Variants in SAMD12 observed in about 807,000 individuals in gnomAD.
SAMD12 encodes the protein sterile alpha motif domain-containing protein 12.
In SAMD12, 9 loss-of-function variants were observed where a neutral mutation model predicts 15.0. The ratio of observed to expected loss-of-function variants is 0.60; its 90% CI spans 0.36 to 1.05. The LOEUF (loss-of-function observed/expected upper bound fraction) is 1.05, where lower values mean the gene tolerates loss of function less well. SAMD12 is among the 50% of genes least tolerant of loss of function. The pLI is 0.01. For missense variants in SAMD12, 230 were observed against 234.2 expected (o/e 0.98, Z 0.12); for synonymous variants, 86 against 90.1 (o/e 0.96, Z 0.25).
At chr8:118,474,101 G>A (rs1563882236) in intron 2 of SAMD12, among the ~76,000 whole-genome samples, 1 of 152,044 alleles carries the variant, frequency 6.6e-6, no homozygotes, top group Non-Finnish European at 1.5e-5. Flanking sequence ...TGGGATTATA[G>A]GCACGCACCA....
the SAMD12 span, among the ~76,000 whole-genome samples, chr8:118,163,176 G>A: frequency 2.1e-4 from 32 of 152,006 alleles, no homozygotes; most frequent in African/African-American, 7.5e-4. Flanking sequence ...GTGCAGGGAC[G>A]TCATCACAGC....
intron 4 of SAMD12, among the ~76,000 whole-genome samples, chr8:118,222,477 A>G (rs1812103545): frequency 6.6e-6 from 1 of 152,200 alleles, no homozygotes; most frequent in African/African-American, 2.4e-5. Flanking sequence ...ATAATAATCT[A>G]AAATTTAAAA....
At chr8:118,433,023 T>C (rs1822460296) in intron 3 of SAMD12, among the ~76,000 whole-genome samples, 1 of 152,146 alleles carries the variant, frequency 6.6e-6, no homozygotes. Context: ...AGTAGGGATG[T>C]TAGAAAGGGT....
Position 118,306,344 on chromosome 8 carries a change from G to A in SAMD12, c.433+73216C>T, listed in dbSNP as rs188287734. Among the ~76,000 whole-genome samples the A allele has an allele frequency of 1.2e-4, 19 of 152,202 alleles. No homozygotes were observed. In the East Asian group the frequency reaches 3.3e-3, roughly 26 times the overall value. On this transcript the variant is annotated intron_variant, in intron 4 of 4. Transcript: ENST00000409003. ...AATATGAATATTTAGCTGTGATTCT[G>A]CCTCTCAGCCTCTTTTGTAGTTTAG...
chr8:118,556,682 G>C (rs371424198), intron 2 of SAMD12, among the ~76,000 whole-genome samples: 5 of 152,018 alleles, frequency 3.3e-5, no homozygotes, highest in Non-Finnish European at 7.4e-5. Context: ...ATAGACATGG[G>C]GGCTGGGTGC....
chr8:118,379,515 T>C lies in SAMD12; in HGVS notation c.508A>G (p.Arg170Gly). The change falls in exon 4 of 4, where the codon AGA becomes GGA. Residue 170 changes from arginine to glycine, a missense_variant. Transcript: ENST00000314727. ...PDGWMDGEIR[R>G]KTTLLLGQTG... ...TGTCCTAATAGTAAGGTGGTCTTTCTTCTAATCTCCCCATCCATCCACCCA... is the reference window on the plus strand; with the variant it reads ...TGTCCTAATAGTAAGGTGGTCTTTCCTCTAATCTCCCCATCCATCCACCCA... The C allele has an allele frequency of 6.2e-7, 1 of 1,613,906 alleles. No homozygotes were observed.
At chr8:118,452,702 G>C (rs1351401428) in intron 2 of SAMD12, among the ~76,000 whole-genome samples, 1 of 152,042 alleles carries the variant, frequency 6.6e-6, no homozygotes, top group Non-Finnish European at 1.5e-5. Context: ...ATAAAAGAAA[G>C]TATGCACATG....
the SAMD12 span, among the ~76,000 whole-genome samples, chr8:118,164,258 T>C: frequency 6.6e-6 from 1 of 152,182 alleles, no homozygotes; most frequent in East Asian, 1.9e-4. Context: ...GTGAGAGAAA[T>C]GTGAGCTCTT....
chr8:118,396,723 GCATT>G (rs905185716), intron 3 of SAMD12, among the ~76,000 whole-genome samples: 3 of 152,220 alleles, frequency 2.0e-5, no homozygotes, highest in African/African-American at 7.2e-5. Flanking sequence ...GTTTAGTTCA[GCATT>G]CATTTAATAA....
chr8:118,392,769 C>T (rs1563823232), intron 3 of SAMD12, among the ~76,000 whole-genome samples: 1 of 152,040 alleles, frequency 6.6e-6, no homozygotes, highest in Non-Finnish European at 1.5e-5. Flanking sequence ...TTTGTGATAC[C>T]AGCTACCTTA....
chr8:118,368,658 T>G (rs1482423709), intron 4 of SAMD12, among the ~76,000 whole-genome samples: 1 of 152,200 alleles, frequency 6.6e-6, no homozygotes, highest in Non-Finnish European at 1.5e-5. Flanking sequence ...TTCTTGTGAA[T>G]CCATGAAAAT....
chr8:118,314,285 T>C (rs2130408224), intron 4 of SAMD12, among the ~76,000 whole-genome samples: 1 of 152,318 alleles, frequency 6.6e-6, no homozygotes, highest in African/African-American at 2.4e-5. Flanking sequence ...TTTCTTCTTT[T>C]TTTAACTTTT....
chr8:118,344,024 C>T (rs1160666584), intron 4 of SAMD12, among the ~76,000 whole-genome samples: 3 of 152,178 alleles, frequency 2.0e-5, no homozygotes, highest in Admixed American at 2.0e-4. Context: ...AAATTCCTTC[C>T]TGACTTCCAG....
At chr8:118,329,100 G>A (rs375851264) in intron 4 of SAMD12, among the ~76,000 whole-genome samples, 5 of 152,076 alleles carry the variant, frequency 3.3e-5, no homozygotes, top group Admixed American at 3.3e-4. Context: ...TAAAGATTAA[G>A]AGGAAGAAAT....
chr8:118,192,208 T>C (rs1006790526), exon 5 of SAMD12: 1 of 152,028 alleles, frequency 6.6e-6, no homozygotes, highest in Admixed American at 6.6e-5. Context: ...TTTGAATATA[T>C]TTTTACAGAA....
chr8:118,445,356 G>T (rs1169155715), intron 2 of SAMD12, among the ~76,000 whole-genome samples: 1 of 152,116 alleles, frequency 6.6e-6, no homozygotes, highest in Non-Finnish European at 1.5e-5. Context: ...GAAAGAGGTG[G>T]TTAGAAAATT....
intron 2 of SAMD12, among the ~76,000 whole-genome samples, chr8:118,470,860 A>G (rs759639030): frequency 3.9e-5 from 6 of 152,160 alleles, no homozygotes; most frequent in Non-Finnish European, 7.3e-5. Flanking sequence ...AATTAAAGAG[A>G]TCTGAATCCT....
At chr8:118,501,219 T>C (rs577081308) in intron 2 of SAMD12, among the ~76,000 whole-genome samples, 1 of 152,336 alleles carries the variant, frequency 6.6e-6, no homozygotes, top group South Asian at 2.1e-4. Flanking sequence ...TATCCCAATG[T>C]CTTGTTTTAT....
At chr8:118,341,624 T>C (rs1458211178) in intron 4 of SAMD12, among the ~76,000 whole-genome samples, 1 of 152,126 alleles carries the variant, frequency 6.6e-6, no homozygotes, top group Non-Finnish European at 1.5e-5. Context: ...TGCCAACCTC[T>C]CCTTGTGTCT....
Sources: gnomAD v4.1 joint callset for allele counts (sites outside exome capture counted in the v4.1 genomes callset) on GRCh38, gnomAD v4.1.1 for gene constraint, MANE v1.5 for transcripts, NCBI Gene and HGNC (gene_info 2026-07-23, HGNC 2026-07-21) for gene names.